CRY1: variants seen among roughly 807,000 people sequenced by gnomAD.
CRY1 encodes cryptochrome-1.
CRY1 carries 45 observed loss-of-function variants against 76.0 expected under a neutral mutation model. That is an observed-to-expected ratio of 0.59 (90% confidence interval 0.47 to 0.76). CRY1 has a LOEUF of 0.76. Among genes scored for constraint, CRY1 ranks in the 30% least tolerant of loss-of-function variants. CRY1 has a pLI of 0.00. For synonymous variants in CRY1, 248 were observed against 244.0 expected, an observed-to-expected ratio of 1.02 and a Z score of -0.15; for missense variants, 587 against 716.4, an observed-to-expected ratio of 0.82 and a Z score of 2.06.
chr12:106,999,483 T>C (rs1436604930), intron 7 of CRY1, 68 bp downstream of exon 7: 7 of 1,418,458 alleles, frequency 4.9e-6, no homozygotes, highest in Admixed American at 4.6e-5. Context: ...AGACAACTTC[T>C]AGGATTTGTT....
intron 2 of CRY1, among the ~76,000 whole-genome samples, chr12:107,016,805 C>CT (rs1211973699): frequency 1.3e-5 from 2 of 152,176 alleles, no homozygotes; most frequent in Admixed American, 6.5e-5. Flanking sequence ...CCTCCATAGT[C>CT]TGTTATTCCA....
chr12:107,079,423 T>C lies in CRY1; in HGVS notation c.158+13381A>G, dbSNP rs1369156652. On this transcript the variant is annotated intron_variant, in intron 1 of 12. Coordinates refer to ENST00000008527, the MANE Select transcript of CRY1 (RefSeq NM_004075.5). ...GATGCAAAGAGAAATGTGATCCTGGTAACATCTTCTGAGTCCTGGTATCAA... is the reference window on the plus strand; with the variant it reads ...GATGCAAAGAGAAATGTGATCCTGGCAACATCTTCTGAGTCCTGGTATCAA... 3.4e-5 allele frequency among the ~76,000 whole-genome samples: 5 copies of C among 146,188 alleles called. No homozygotes were observed. The East Asian group carries it at 1.0e-3, about 30-fold the overall frequency.
At chr12:106,994,593 CTATTA>C (rs1334818451) in intron 10 of CRY1, among the ~76,000 whole-genome samples, 2 of 152,150 alleles carry the variant, frequency 1.3e-5, no homozygotes. Flanking sequence ...ATTAATTCTT[CTATTA>C]TATAATAAAC....
At chr12:107,044,395 CCA>C (rs1311508405) in intron 1 of CRY1, among the ~76,000 whole-genome samples, 1 of 152,138 alleles carries the variant, frequency 6.6e-6, no homozygotes, top group Non-Finnish European at 1.5e-5. Context: ...ACTGAGGTGC[CCA>C]CAGTTATTGC....
chr12:107,023,521 C>T (rs946751121), intron 1 of CRY1, among the ~76,000 whole-genome samples: 4 of 152,162 alleles, frequency 2.6e-5, no homozygotes, highest in Non-Finnish European at 4.4e-5. Flanking sequence ...TTACACATTC[C>T]GATACCATCA....
At chr12:107,005,841 GTTAC>G (rs1245825573) in intron 2 of CRY1, among the ~76,000 whole-genome samples, 1 of 152,014 alleles carries the variant, frequency 6.6e-6, no homozygotes, top group Non-Finnish European at 1.5e-5. Flanking sequence ...AATAATAGCA[GTTAC>G]TTATTATCAG....
intron 2 of CRY1, among the ~76,000 whole-genome samples, chr12:107,017,197 A>T (rs1215557994): frequency 1.3e-5 from 2 of 152,238 alleles, no homozygotes; most frequent in African/African-American, 4.8e-5. Flanking sequence ...ATAAAGCCCT[A>T]TGATCTGGCT....
At chr12:107,038,170 G>C (rs1045141934) in intron 1 of CRY1, among the ~76,000 whole-genome samples, 3 of 152,332 alleles carry the variant, frequency 2.0e-5, no homozygotes, top group South Asian at 2.1e-4. Flanking sequence ...TGGTAAAAGA[G>C]TGGGGATCTG....
chr12:107,043,674 T>A (rs1459151087), intron 1 of CRY1, among the ~76,000 whole-genome samples: 1 of 152,148 alleles, frequency 6.6e-6, no homozygotes, highest in African/African-American at 2.4e-5. Context: ...GAGATACCCA[T>A]CTCCCTTGAT....
chr12:107,092,983 T>C lies in CRY1; in HGVS notation c.-22A>G. The C allele has an allele frequency of 6.6e-7, 1 of 1,513,130 alleles. No homozygotes were observed. Among genetic ancestry groups the C allele is most frequent in the Non-Finnish European group, 8.8e-7 (1 of 1,136,194 alleles). 93.7% of individuals were successfully genotyped at this position (1,513,130 alleles called of 1,614,324 possible). A position where few individuals can be genotyped will look rare whatever the true frequency, so the allele number is the denominator to read the frequency against. ...CCATGCCGGGGGGCGCGGCGGGTCCTCCACGGAGAAATTCAAGGAAGGAGG... is the reference window on the plus strand; with the variant it reads ...CCATGCCGGGGGGCGCGGCGGGTCCCCCACGGAGAAATTCAAGGAAGGAGG... On this transcript the variant is annotated 5_prime_UTR_variant, in exon 1 of 13. Coordinates refer to ENST00000008527, the MANE Select transcript of CRY1 (RefSeq NM_004075.5).
chr12:107,035,683 T>C (rs1952725694), intron 1 of CRY1, among the ~76,000 whole-genome samples: 1 of 152,192 alleles, frequency 6.6e-6, no homozygotes, highest in South Asian at 2.1e-4. Context: ...CCTTGAACCA[T>C]ACAGTATTTC....
chr12:107,070,852 C>A (rs1347658550), intron 1 of CRY1, among the ~76,000 whole-genome samples: 1 of 145,546 alleles, frequency 6.9e-6, no homozygotes, highest in Admixed American at 7.1e-5. Flanking sequence ...AGGCACCTGC[C>A]ACCATGCCTG....
rs573805181 is a variant in CRY1, at chr12:106,995,696, C to A, written c.1585+1598G>T. Among the ~76,000 whole-genome samples, 3 of 151,902 alleles carry A rather than the reference C, an allele frequency of 2.0e-5. No individual in the cohort carries two copies. In the South Asian group the frequency reaches 6.2e-4, roughly 32 times the overall value. On this transcript the variant is annotated intron_variant, in intron 10 of 12. Coordinates refer to ENST00000008527, the MANE Select transcript of CRY1 (RefSeq NM_004075.5). ...TTCTGGGGTACATGTGCAGGATGTG[C>A]AGGTTTGTTACATAGGCAAACATGT...
chr12:107,045,441 T>C (rs542486999), intron 1 of CRY1, among the ~76,000 whole-genome samples: 1 of 152,112 alleles, frequency 6.6e-6, no homozygotes, highest in Non-Finnish European at 1.5e-5. Flanking sequence ...GGGTGGATCA[T>C]GAGGTCAAGA....
intron 2 of CRY1, among the ~76,000 whole-genome samples, chr12:107,017,813 T>TCAACCCAGATGCCACAACCCAGATG (rs1438772553): frequency 6.6e-6 from 1 of 152,216 alleles, no homozygotes; most frequent in South Asian, 2.1e-4. Context: ...GATGCATGGC[T>TCAACCCAGATGCCACAACCCAGATG]CACTCTTCAT....
intron 1 of CRY1, among the ~76,000 whole-genome samples, chr12:107,076,062 C>G (rs1225593948): frequency 6.6e-6 from 1 of 151,752 alleles, no homozygotes; most frequent in East Asian, 1.9e-4. Flanking sequence ...ATAGGCAAAT[C>G]TGGAATTCAA....
chr12:107,085,362 A>G (rs879361704), intron 1 of CRY1, among the ~76,000 whole-genome samples: 1 of 152,244 alleles, frequency 6.6e-6, no homozygotes, highest in Non-Finnish European at 1.5e-5. Context: ...ACACAGGCAC[A>G]TGTATGTTTA....
intron 1 of CRY1, among the ~76,000 whole-genome samples, chr12:107,069,853 A>G (rs1953167107): frequency 6.6e-6 from 1 of 151,198 alleles, no homozygotes; most frequent in African/African-American, 2.4e-5. Context: ...GGTAATTTAC[A>G]GAAAGAAAAA....
intron 1 of CRY1, among the ~76,000 whole-genome samples, chr12:107,029,398 C>T (rs1282485077): frequency 2.0e-5 from 3 of 151,976 alleles, no homozygotes; most frequent in South Asian, 4.1e-4. Flanking sequence ...TTGAGACCAG[C>T]CTGAGCAACA....
Sources: allele counts gnomAD v4.1 joint callset (sites outside exome capture counted in the v4.1 genomes callset), GRCh38; gene constraint gnomAD v4.1.1; transcripts MANE v1.5; gene names NCBI Gene and HGNC (gene_info 2026-07-23, HGNC 2026-07-21).